The following HECW2 variants were observed in gnomAD, a reference collection of about 807,000 sequenced individuals.
HECW2 encodes the protein E3 ubiquitin-protein ligase HECW2.
Under a neutral mutation model 175.2 loss-of-function variants are expected in HECW2, and 61 were observed. That is an observed-to-expected ratio of 0.35 (90% confidence interval 0.28 to 0.43). The LOEUF (loss-of-function observed/expected upper bound fraction) is 0.43, where lower values mean the gene tolerates loss of function less well. Ranked by LOEUF, HECW2 falls within the 20% of genes least tolerant of loss-of-function variation. HECW2 has a pLI of 1.00. For missense variants in HECW2, 1,524 were observed against 2,000.5 expected (o/e 0.76, Z 4.54); for synonymous variants, 671 against 731.0 (o/e 0.92, Z 1.32).
At chr2:196,246,332 AG>A (rs2105895181) in intron 19 of HECW2, among the ~76,000 whole-genome samples, 1 of 152,340 alleles carries the variant, frequency 6.6e-6, no homozygotes, top group South Asian at 2.1e-4. Flanking sequence ...CATTGATAAG[AG>A]AGAGAAAAAT....
chr2:196,251,278 C>G (rs1688843576), intron 19 of HECW2, among the ~76,000 whole-genome samples: 1 of 152,222 alleles, frequency 6.6e-6, no homozygotes, highest in Non-Finnish European at 1.5e-5. Context: ...TCTGTTGGCT[C>G]TCTTTCTTTC....
intron 15 of HECW2, among the ~76,000 whole-genome samples, chr2:196,274,958 C>T (rs7560541): frequency 0.27 from 41,406 of 152,120 alleles, 5,909 homozygotes; most frequent in African/African-American, 0.37. Context: ...AAAAATAACA[C>T]ACTGTACTGG....
chr2:196,527,491 T>C (rs1253817620), intron 1 of HECW2, among the ~76,000 whole-genome samples: 3 of 152,242 alleles, frequency 2.0e-5, no homozygotes, highest in Middle Eastern at 3.2e-3. Flanking sequence ...TTCGGCCATC[T>C]TGGCTCCTCG....
At chr2:196,454,262 ACT>A (rs1401497884) in intron 1 of HECW2, among the ~76,000 whole-genome samples, 2 of 152,202 alleles carry the variant, frequency 1.3e-5, no homozygotes, top group African/African-American at 4.8e-5. Flanking sequence ...ATGTATAGCC[ACT>A]TTGATGTATA....
intron 14 of HECW2, among the ~76,000 whole-genome samples, chr2:196,280,358 G>C (rs570675558): frequency 3.3e-5 from 5 of 152,306 alleles, no homozygotes; most frequent in African/African-American, 1.2e-4. Context: ...TGCCTATTTA[G>C]AAACCTATTT....
chr2:196,313,495 T>C (rs966122463), intron 10 of HECW2, among the ~76,000 whole-genome samples: 3 of 152,130 alleles, frequency 2.0e-5, no homozygotes, highest in African/African-American at 7.2e-5. Context: ...TTAGAATATC[T>C]CTCAACCAGA....
At chr2:196,538,698 T>C (rs1406785773) in intron 1 of HECW2, among the ~76,000 whole-genome samples, 2 of 152,228 alleles carry the variant, frequency 1.3e-5, no homozygotes, top group South Asian at 4.1e-4. Context: ...AACAGTCTCA[T>C]GAGCTAACAT....
chr2:196,511,930 A>G (rs1214329927), intron 1 of HECW2, among the ~76,000 whole-genome samples: 2 of 152,238 alleles, frequency 1.3e-5, no homozygotes, highest in African/African-American at 4.8e-5. Context: ...GATGTTACTA[A>G]TGAAGCAAAC....
intron 28 of HECW2, among the ~76,000 whole-genome samples, chr2:196,214,595 C>T (rs937589043): frequency 6.6e-6 from 1 of 152,016 alleles, no homozygotes; most frequent in South Asian, 2.1e-4. Flanking sequence ...TAATGAATTC[C>T]CAGATTTGGA....
At chr2:196,296,307 G>A (rs1459976674) in intron 13 of HECW2, among the ~76,000 whole-genome samples, 1 of 152,158 alleles carries the variant, frequency 6.6e-6, no homozygotes, top group Non-Finnish European at 1.5e-5. Context: ...TTGCTTAACT[G>A]TAATATGGGA....
intron 1 of HECW2, among the ~76,000 whole-genome samples, chr2:196,486,323 C>A (rs896052344): frequency 1.3e-5 from 2 of 152,178 alleles, no homozygotes; most frequent in Admixed American, 1.3e-4. Context: ...TGCTGAGCTG[C>A]TTGCATGTTT....
At chr2:196,507,930 C>G (rs1687823360) in intron 1 of HECW2, among the ~76,000 whole-genome samples, 1 of 152,172 alleles carries the variant, frequency 6.6e-6, no homozygotes, top group African/African-American at 2.4e-5. Flanking sequence ...AATTTTTTCT[C>G]CTGTGACATT....
At chr2:196,247,517 T>C (rs1325940455) in intron 19 of HECW2, among the ~76,000 whole-genome samples, 4 of 152,158 alleles carry the variant, frequency 2.6e-5, no homozygotes, top group Non-Finnish European at 5.9e-5. Flanking sequence ...AAGATCAATG[T>C]TACATCAAAT....
intron 21 of HECW2, among the ~76,000 whole-genome samples, chr2:196,234,372 T>A (rs1000217316): frequency 6.6e-6 from 1 of 152,034 alleles, no homozygotes; most frequent in East Asian, 1.9e-4. Flanking sequence ...ACTGTAACCT[T>A]GAGCTCCTGG....
At chr2:196,404,354 A>G (rs754145175) in intron 2 of HECW2, among the ~76,000 whole-genome samples, 50 of 152,170 alleles carry the variant, frequency 3.3e-4, no homozygotes, top group Non-Finnish European at 6.3e-4. Flanking sequence ...TGTAATAAAG[A>G]GATTCTTCAA....
intron 21 of HECW2, chr2:196,238,581 T>C (rs1327474640): frequency 3.3e-5 from 5 of 152,216 alleles, no homozygotes; most frequent in Non-Finnish European, 7.3e-5. Context: ...TTTATGATAC[T>C]GACCTGACAA....
chr2:196,476,947 CAAAAAAAAA>C (rs35714216), intron 1 of HECW2, among the ~76,000 whole-genome samples: 1 of 57,386 alleles, frequency 1.7e-5, no homozygotes, highest in Non-Finnish European at 3.0e-5. Flanking sequence ...CCCATCTCCA[CAAAAAAAAA>C]AAAAAAAAAA....
chr2:196,498,078 T>C (rs1442503875), intron 1 of HECW2, among the ~76,000 whole-genome samples: 28 of 152,204 alleles, frequency 1.8e-4, no homozygotes, highest in Admixed American at 1.8e-3. Context: ...AGAGTTGATT[T>C]TTCAGTGAAC....
chr2:196,566,699 A>ATTTTTTTTTTTTTTTT (rs58391487), intron 1 of HECW2, among the ~76,000 whole-genome samples: 2 of 94,206 alleles, frequency 2.1e-5, no homozygotes, highest in African/African-American at 4.2e-5. Flanking sequence ...CACCCAGCTA[A>ATTTTTTTTTTTTTTTT]TTTTTTTTTT....
Sources: allele counts gnomAD v4.1 joint callset (sites outside exome capture counted in the v4.1 genomes callset), GRCh38; gene constraint gnomAD v4.1.1; transcripts MANE v1.5; gene names NCBI Gene and HGNC (gene_info 2026-07-23, HGNC 2026-07-21).